The following DLG2 variants were observed in gnomAD, a reference collection of about 807,000 sequenced individuals.
DLG2 encodes disks large homolog 2.
DLG2 carries 45 observed loss-of-function variants against 132.5 expected under a neutral mutation model. The observed-to-expected ratio is 0.34, with a 90% CI of 0.27 to 0.44. The LOEUF (loss-of-function observed/expected upper bound fraction) is 0.44, where lower values mean the gene tolerates loss of function less well. Ranked by LOEUF, DLG2 falls within the 20% of genes least tolerant of loss-of-function variation. The pLI is 1.00. For synonymous variants in DLG2, 424 were observed against 419.6 expected (o/e 1.01, Z -0.13); for missense variants, 1,045 against 1,196.9 (o/e 0.87, Z 1.87).
At chr11:84,611,739 T>C (rs1820397070) in intron 6 of DLG2, among the ~76,000 whole-genome samples, 1 of 152,162 alleles carries the variant, frequency 6.6e-6, no homozygotes, top group Non-Finnish European at 1.5e-5. Flanking sequence ...CAAAGAAAGA[T>C]ACTTTCACCA....
intron 3 of DLG2, chr11:85,510,003 C>T (rs1012146718): frequency 7.6e-6 from 1 of 131,808 alleles, no homozygotes; most frequent in Non-Finnish European, 1.6e-5. Flanking sequence ...AGGGCCCCTA[C>T]AAAAGGATGA....
chr11:85,118,857 T>A (rs1156534994), intron 5 of DLG2, among the ~76,000 whole-genome samples: 1 of 151,946 alleles, frequency 6.6e-6, no homozygotes, highest in African/African-American at 2.4e-5. Context: ...AAAACCTAGC[T>A]TAAGGAATTA....
At chr11:83,583,935 C>T (rs489752) in intron 19 of DLG2, among the ~76,000 whole-genome samples, 69,309 of 151,994 alleles carry the variant, frequency 0.46, 16,226 homozygotes, top group Admixed American at 0.56. Flanking sequence ...TTTTGGCTGA[C>T]TGGTCAGGCT....
chr11:85,616,598 C>T (rs1017023727), intron 2 of DLG2, among the ~76,000 whole-genome samples: 6 of 152,126 alleles, frequency 3.9e-5, no homozygotes, highest in Non-Finnish European at 5.9e-5. Context: ...TTCTAAAAAC[C>T]TAAGCCCTCA....
chr11:83,742,314 A>G (rs186594139), intron 18 of DLG2, among the ~76,000 whole-genome samples: 77 of 146,846 alleles, frequency 5.2e-4, no homozygotes, highest in African/African-American at 1.8e-3. Flanking sequence ...TATGTATATG[A>G]AATATCAAAA....
intron 6 of DLG2, among the ~76,000 whole-genome samples, chr11:84,672,525 T>C (rs906227060): frequency 2.6e-5 from 4 of 152,178 alleles, no homozygotes; most frequent in Non-Finnish European, 5.9e-5. Flanking sequence ...TAATATTCAC[T>C]CATTTCCATC....
chr11:85,496,429 G>C (rs183103058), intron 3 of DLG2, among the ~76,000 whole-genome samples: 2 of 152,190 alleles, frequency 1.3e-5, no homozygotes, highest in Non-Finnish European at 2.9e-5. Flanking sequence ...CTCAAACTGG[G>C]TGAAGCCCAC....
intron 6 of DLG2, among the ~76,000 whole-genome samples, chr11:84,632,018 T>G (rs550497821): frequency 1.3e-5 from 2 of 152,192 alleles, no homozygotes; most frequent in African/African-American, 4.8e-5. Flanking sequence ...TCACTTGCTT[T>G]TCCTCACTGC....
intron 6 of DLG2, among the ~76,000 whole-genome samples, chr11:84,603,221 A>C (rs1217727102): frequency 6.6e-6 from 1 of 151,994 alleles, no homozygotes; most frequent in African/African-American, 2.4e-5. Context: ...TGTCTCTACC[A>C]ATAAATATTG....
intron 6 of DLG2, among the ~76,000 whole-genome samples, chr11:84,847,291 G>C (rs944615758): frequency 2.0e-5 from 3 of 152,164 alleles, no homozygotes; most frequent in Non-Finnish European, 2.9e-5. Flanking sequence ...TCAGAGGCTA[G>C]AGAAAAGGTT....
intron 11 of DLG2, among the ~76,000 whole-genome samples, chr11:84,026,757 A>G (rs1229199524): frequency 1.3e-5 from 2 of 152,096 alleles, no homozygotes; most frequent in African/African-American, 4.8e-5. Flanking sequence ...CATCTAATGG[A>G]ACATAGGCTT....
intron 18 of DLG2, among the ~76,000 whole-genome samples, chr11:83,647,312 T>A (rs920270059): frequency 6.6e-6 from 1 of 151,986 alleles, no homozygotes; most frequent in Admixed American, 6.6e-5. Context: ...CTAAATACCT[T>A]CTTTTATATA....
intron 7 of DLG2, among the ~76,000 whole-genome samples, chr11:84,300,899 G>C (rs2098143669): frequency 1.3e-5 from 2 of 152,160 alleles, no homozygotes; most frequent in Admixed American, 6.5e-5. Flanking sequence ...GAAGCAATTT[G>C]GCAATTAACT....
chr11:84,236,922 T>C (rs762134091), intron 8 of DLG2, among the ~76,000 whole-genome samples: 16 of 147,958 alleles, frequency 1.1e-4, no homozygotes, highest in Non-Finnish European at 2.2e-4. Context: ...AGCATCAGTA[T>C]GTTTTTTTTT....
chr11:85,087,881 G>A (rs867057442), intron 6 of DLG2, among the ~76,000 whole-genome samples: 2 of 147,922 alleles, frequency 1.4e-5, no homozygotes, highest in African/African-American at 4.9e-5. Context: ...AGATCATGGA[G>A]GGATTTGAGG....
intron 18 of DLG2, among the ~76,000 whole-genome samples, chr11:83,731,835 T>C (rs1441797000): frequency 2.0e-5 from 3 of 152,226 alleles, no homozygotes; most frequent in African/African-American, 7.2e-5. Context: ...CCATTCTGGC[T>C]GCCTGCCTCA....
intron 7 of DLG2, among the ~76,000 whole-genome samples, chr11:84,485,938 C>T (rs759135934): frequency 2.0e-5 from 3 of 152,112 alleles, no homozygotes; most frequent in Non-Finnish European, 4.4e-5. Context: ...TAACACACCA[C>T]ATTTTGTAGC....
chr11:84,561,278 A>C (rs1417953336), intron 6 of DLG2, among the ~76,000 whole-genome samples: 1 of 152,078 alleles, frequency 6.6e-6, no homozygotes, highest in African/African-American at 2.4e-5. Context: ...GTCACAGATG[A>C]GAACTCCTGA....
At chr11:84,311,781 T>A (rs1435963783) in intron 7 of DLG2, among the ~76,000 whole-genome samples, 3 of 152,216 alleles carry the variant, frequency 2.0e-5, no homozygotes, top group Admixed American at 1.3e-4. Flanking sequence ...CAGGCATCTC[T>A]TTTAATGAAC....
Sources: allele counts gnomAD v4.1 joint callset (sites outside exome capture counted in the v4.1 genomes callset), GRCh38; gene constraint gnomAD v4.1.1; transcripts MANE v1.5; gene names NCBI Gene and HGNC (gene_info 2026-07-23, HGNC 2026-07-21).